HECW2: variants seen among roughly 807,000 people sequenced by gnomAD.
The protein encoded by HECW2 is E3 ubiquitin-protein ligase HECW2.
In HECW2, 61 loss-of-function variants were observed where a neutral mutation model predicts 175.2. The observed-to-expected ratio is 0.35, with a 90% CI of 0.28 to 0.43. HECW2 has a LOEUF of 0.43. HECW2 is among the 20% of genes least tolerant of loss of function. HECW2 has a pLI of 1.00. For synonymous variants in HECW2, 671 were observed against 731.0 expected (o/e 0.92, Z 1.32); for missense variants, 1,524 against 2,000.5 (o/e 0.76, Z 4.54).
At chr2:196,458,097 C>T (rs1006992333) in intron 1 of HECW2, among the ~76,000 whole-genome samples, 35 of 151,806 alleles carry the variant, frequency 2.3e-4, no homozygotes, top group Admixed American at 1.6e-3. Flanking sequence ...TAGTGAGACC[C>T]CATCTCTACA....
At chr2:196,268,272 C>A (rs554753378) in intron 17 of HECW2, among the ~76,000 whole-genome samples, 4 of 152,314 alleles carry the variant, frequency 2.6e-5, no homozygotes, top group Non-Finnish European at 4.4e-5. Flanking sequence ...ATCATGACAG[C>A]ATCTGCTTCC....
intron 13 of HECW2, among the ~76,000 whole-genome samples, chr2:196,297,521 C>A (rs1413542242): frequency 6.6e-6 from 1 of 152,192 alleles, no homozygotes; most frequent in Non-Finnish European, 1.5e-5. Context: ...TCAATCCCCT[C>A]TCCTTTTTTT....
At chr2:196,280,038 G>T (rs1690127890) in intron 14 of HECW2, among the ~76,000 whole-genome samples, 1 of 152,024 alleles carries the variant, frequency 6.6e-6, no homozygotes, top group African/African-American at 2.4e-5. Flanking sequence ...TATCCTTAGG[G>T]GCCCAATGTT....
chr2:196,554,788 T>C (rs1030754156), intron 1 of HECW2, among the ~76,000 whole-genome samples: 2 of 152,252 alleles, frequency 1.3e-5, no homozygotes, highest in African/African-American at 2.4e-5. Flanking sequence ...AAGTTTAGCC[T>C]AGAAGAACGA....
chr2:196,435,265 A>G (rs1169973526), intron 1 of HECW2, among the ~76,000 whole-genome samples: 1 of 152,238 alleles, frequency 6.6e-6, no homozygotes, highest in Non-Finnish European at 1.5e-5. Context: ...TGATACCATA[A>G]AAGAATCCAT....
chr2:196,325,107 G>A lies in HECW2; in HGVS notation c.614C>T (p.Pro205Leu). The part of the protein sequence containing the change: ...VGLKKGMFFN[P>L]DPYLKMSIQP... ...AATTGACATCTTAAGATAAGGGTCA[G>A]GATTGAAGAACATCCCTTTCTTTAG... The change falls in exon 6 of 29, where the codon CCT (proline) becomes CTT (leucine). Residue 205 changes from proline (P) to leucine (L), a missense_variant. Pro to Leu is a moderately conservative substitution (Grantham distance 98). This residue lies in a region of HECW2 where 95 missense variants were observed against 136.8 expected (regional missense o/e 0.69). Transcript: ENST00000644978. 6.2e-7 allele frequency: 1 copy of A among 1,610,056 alleles called. No homozygotes were observed. Among genetic ancestry groups the A allele is most frequent in the Non-Finnish European group, 8.5e-7 (1 of 1,178,504 alleles).
intron 1 of HECW2, among the ~76,000 whole-genome samples, chr2:196,565,269 C>CA (rs1373997263): frequency 2.0e-5 from 3 of 152,078 alleles, no homozygotes; most frequent in Admixed American, 6.5e-5. Flanking sequence ...AGTGAAAACT[C>CA]AATCTAAATT....
At chr2:196,313,531 C>T (rs1245317014) in intron 10 of HECW2, among the ~76,000 whole-genome samples, 1 of 152,140 alleles carries the variant, frequency 6.6e-6, no homozygotes, top group Non-Finnish European at 1.5e-5. Flanking sequence ...GCCACCAAGG[C>T]CACAGTGCAC....
At chr2:196,423,567 G>C (rs1035504419) in intron 2 of HECW2, among the ~76,000 whole-genome samples, 1 of 152,020 alleles carries the variant, frequency 6.6e-6, no homozygotes, top group African/African-American at 2.4e-5. Context: ...AACATTGTCA[G>C]GGTAGAGAGC....
At chr2:196,343,165 G>C (rs1692825518) in intron 3 of HECW2, among the ~76,000 whole-genome samples, 1 of 151,852 alleles carries the variant, frequency 6.6e-6, no homozygotes, top group Admixed American at 6.6e-5. Context: ...GACCCCCATG[G>C]GATACCAAAA....
At chr2:196,437,243 T>C (rs1281117362) in intron 1 of HECW2, among the ~76,000 whole-genome samples, 1 of 151,862 alleles carries the variant, frequency 6.6e-6, no homozygotes, top group Non-Finnish European at 1.5e-5. Flanking sequence ...GGAAGAGTAC[T>C]GGGAGGCGGA....
intron 13 of HECW2, among the ~76,000 whole-genome samples, chr2:196,293,713 G>A (rs1020556435): frequency 1.1e-4 from 17 of 152,166 alleles, no homozygotes; most frequent in Admixed American, 1.0e-3. Context: ...CACTGGCGAT[G>A]AATATGCCAC....
rs757684316 is a variant in HECW2 at position 196,240,471 on chromosome 2, C to A, written c.3742G>T (p.Val1248Phe). Residue 1248 changes from valine (V) to phenylalanine (F), a missense_variant, in exon 21 of 29, where the codon GTC becomes TTC. By Grantham distance (50) the Val-to-Phe change is conservative. Around this residue, in one of 11 missense-constraint regions of HECW2, gnomAD observed 291 missense variants for 412.2 expected, o/e 0.71. Coordinates refer to ENST00000644978, the MANE Select transcript of HECW2 (RefSeq NM_001348768.2). The stretch of plus-strand genomic sequence containing the variant: ...CACCCTTCCTCCCCAACGAAGGTGA[C>A]ATATAGCTTATTTCTCTGCAGGTCT... ...RKDLQRNKLYVTFVGEEGLDY... is the reference protein window; with the variant it reads ...RKDLQRNKLYFTFVGEEGLDY... The A allele has an allele frequency of 6.2e-7, 1 of 1,611,760 alleles. No individual in the cohort carries two copies. The highest frequency in any genetic ancestry group is 1.7e-5 in the Admixed American group (1 of 59,310).
chr2:196,347,859 G>C (rs1265649432), intron 2 of HECW2, among the ~76,000 whole-genome samples: 3 of 152,204 alleles, frequency 2.0e-5, no homozygotes, highest in Non-Finnish European at 4.4e-5. Context: ...TCATATTCTT[G>C]ATAATTCATT....
intron 3 of HECW2, among the ~76,000 whole-genome samples, chr2:196,335,971 A>C (rs746900986): frequency 6.6e-6 from 1 of 152,200 alleles, no homozygotes; most frequent in Non-Finnish European, 1.5e-5. Context: ...AAGGAAGAGC[A>C]CCAGGTCGAA....
At chr2:196,409,991 C>T (rs1156409839) in intron 2 of HECW2, among the ~76,000 whole-genome samples, 5 of 152,092 alleles carry the variant, frequency 3.3e-5, no homozygotes, top group African/African-American at 1.2e-4. Context: ...GGTTCATTGA[C>T]CTGAGATTGG....
At chr2:196,221,082 C>A in intron 24 of HECW2, 141 bp from the exon 25 acceptor site, 1 of 793,612 alleles carries the variant, frequency 1.3e-6, no homozygotes, top group East Asian at 2.6e-5. Context: ...AGTGAGGCCC[C>A]AGGCACTCAC....
At chr2:196,417,706 T>A (rs1257450903) in intron 2 of HECW2, among the ~76,000 whole-genome samples, 1 of 152,260 alleles carries the variant, frequency 6.6e-6, no homozygotes, top group Non-Finnish European at 1.5e-5. Context: ...CATCGAGTCA[T>A]GTGCATAGCA....
intron 1 of HECW2, among the ~76,000 whole-genome samples, chr2:196,581,274 C>T (rs1480908644): frequency 6.6e-6 from 1 of 152,188 alleles, no homozygotes; most frequent in East Asian, 1.9e-4. Context: ...ATGGGTCACA[C>T]CTGTAATTCC....
Sources: allele counts gnomAD v4.1 joint callset (sites outside exome capture counted in the v4.1 genomes callset), GRCh38; gene constraint gnomAD v4.1.1; regional missense constraint gnomAD v4.1.1; transcripts MANE v1.5; gene names NCBI Gene and HGNC (gene_info 2026-07-23, HGNC 2026-07-21).